DISC1: variants seen among roughly 807,000 people sequenced by gnomAD.
DISC1 encodes DISC1 scaffold protein.
Under a neutral mutation model 84.5 loss-of-function variants are expected in DISC1, and 57 were observed. The ratio of observed to expected loss-of-function variants is 0.67; its 90% confidence interval spans 0.55 to 0.84. The LOEUF (loss-of-function observed/expected upper bound fraction) is 0.84, where lower values mean the gene tolerates loss of function less well. Ranked by LOEUF, DISC1 falls within the 40% of genes least tolerant of loss-of-function variation. The probability of loss-of-function intolerance (pLI) is 0.00; values close to 1 mark genes in which losing one functional copy is unlikely to be tolerated. For synonymous variants in DISC1, 411 were observed against 415.2 expected, an observed-to-expected ratio of 0.99 and a Z score of 0.12; for missense variants, 1,000 against 1,057.8, an observed-to-expected ratio of 0.95 and a Z score of 0.76.
intron 9 of DISC1, among the ~76,000 whole-genome samples, chr1:231,952,039 C>G (rs1318234923): frequency 6.9e-6 from 1 of 143,984 alleles, no homozygotes; most frequent in Non-Finnish European, 1.5e-5. Context: ...GCTATAATCA[C>G]GCCACTGCAC....
intron 9 of DISC1, among the ~76,000 whole-genome samples, chr1:231,878,554 G>A (rs1309310924): frequency 8.5e-5 from 13 of 152,170 alleles, no homozygotes; most frequent in Admixed American, 3.3e-4. Flanking sequence ...GACTAAGCAG[G>A]TTCTTGAAGC....
intron 9 of DISC1, among the ~76,000 whole-genome samples, chr1:231,925,469 A>G (rs961172664): frequency 6.6e-6 from 1 of 152,196 alleles, no homozygotes; most frequent in African/African-American, 2.4e-5. Flanking sequence ...AGATGTTCAC[A>G]GGTCATGAAA....
At chr1:231,963,091 C>T (rs746731323) in intron 10 of DISC1, among the ~76,000 whole-genome samples, 2 of 152,174 alleles carry the variant, frequency 1.3e-5, no homozygotes, top group East Asian at 1.9e-4. Context: ...GGTCATTGCA[C>T]AAGGCTGCCC....
chr1:231,829,936 A>G (rs575158774), intron 9 of DISC1, among the ~76,000 whole-genome samples: 1 of 152,260 alleles, frequency 6.6e-6, no homozygotes, highest in South Asian at 2.1e-4. Flanking sequence ...GAATTTCACC[A>G]GATAATGTCA....
intron 6 of DISC1, among the ~76,000 whole-genome samples, chr1:231,782,364 C>G (rs2077492326): frequency 6.6e-6 from 1 of 152,114 alleles, no homozygotes; most frequent in Non-Finnish European, 1.5e-5. Context: ...ATGAAATCGA[C>G]AATATTCCCC....
intron 10 of DISC1, chr1:231,959,611 A>G (rs897878226): frequency 9.2e-6 from 6 of 651,594 alleles, no homozygotes; most frequent in Non-Finnish European, 9.5e-6. Context: ...GTCTGCTAGG[A>G]CGCTGTCTTG....
chr1:231,902,148 C>G (rs78097247), intron 9 of DISC1, among the ~76,000 whole-genome samples: 2,516 of 152,150 alleles, frequency 0.017, 85 homozygotes, highest in African/African-American at 0.058. Flanking sequence ...GGGGCACTGC[C>G]TCTTGACTGG....
At chr1:231,660,183 G>T (rs541695066) in intron 1 of DISC1, among the ~76,000 whole-genome samples, 3 of 148,956 alleles carry the variant, frequency 2.0e-5, no homozygotes, top group Non-Finnish European at 4.4e-5. Flanking sequence ...ATATATTTAG[G>T]ATAGTTAGCT....
chr1:231,643,523 T>C (rs1572430697), intron 1 of DISC1, among the ~76,000 whole-genome samples: 1 of 152,176 alleles, frequency 6.6e-6, no homozygotes, highest in East Asian at 1.9e-4. Flanking sequence ...TACCTCATAC[T>C]GTTAAGAGAA....
At chr1:231,666,774 C>T (rs561666153) in intron 1 of DISC1, among the ~76,000 whole-genome samples, 2 of 152,198 alleles carry the variant, frequency 1.3e-5, no homozygotes, top group South Asian at 2.1e-4. Context: ...TCATCTTCAC[C>T]CCATCGTAAT....
intron 11 of DISC1, among the ~76,000 whole-genome samples, chr1:232,019,333 G>A (rs1668744979): frequency 6.6e-6 from 1 of 152,168 alleles, no homozygotes; most frequent in Non-Finnish European, 1.5e-5. Flanking sequence ...AGGGTTAAAT[G>A]ATGGGACGGA....
At chr1:231,935,653 C>T (rs1309604107) in intron 9 of DISC1, among the ~76,000 whole-genome samples, 4 of 152,088 alleles carry the variant, frequency 2.6e-5, no homozygotes, top group Non-Finnish European at 5.9e-5. Flanking sequence ...CAGGGTTTGG[C>T]GTCTAAAGCT....
chr1:231,827,672 C>T (rs1355006478), intron 9 of DISC1, among the ~76,000 whole-genome samples: 1 of 152,172 alleles, frequency 6.6e-6, no homozygotes, highest in Non-Finnish European at 1.5e-5. Flanking sequence ...TTTTCCTGCC[C>T]TGACTGCTTT....
At chr1:231,730,156 A>G (rs1486815828) in intron 3 of DISC1, among the ~76,000 whole-genome samples, 1 of 152,218 alleles carries the variant, frequency 6.6e-6, no homozygotes, top group Non-Finnish European at 1.5e-5. Context: ...GTTCACAGGA[A>G]TGAATTAAAT....
At chr1:231,673,342 T>A (rs1304524609) in intron 1 of DISC1, among the ~76,000 whole-genome samples, 4 of 151,806 alleles carry the variant, frequency 2.6e-5, no homozygotes, top group Admixed American at 2.6e-4. Context: ...GAAACTGGGG[T>A]CTCTCTCTGT....
intron 9 of DISC1, among the ~76,000 whole-genome samples, chr1:231,904,711 A>G (rs1222345275): frequency 6.6e-6 from 1 of 152,054 alleles, no homozygotes; most frequent in Non-Finnish European, 1.5e-5. Flanking sequence ...CTAAATACTC[A>G]TTTCCACTAA....
At chr1:232,030,416 T>G (rs1046958399) in intron 12 of DISC1, among the ~76,000 whole-genome samples, 1 of 152,246 alleles carries the variant, frequency 6.6e-6, no homozygotes, top group Admixed American at 6.5e-5. Context: ...TGTACATTTT[T>G]GGCATATTTC....
chr1:231,716,849 T>C (rs1573178493), intron 3 of DISC1, among the ~76,000 whole-genome samples: 4 of 152,308 alleles, frequency 2.6e-5, no homozygotes, highest in Admixed American at 2.6e-4. Flanking sequence ...GCGCCTGTGC[T>C]CCTTCGTGGA....
At chr1:231,912,999 C>T (rs1339418097) in intron 9 of DISC1, among the ~76,000 whole-genome samples, 1 of 151,928 alleles carries the variant, frequency 6.6e-6, no homozygotes, top group African/African-American at 2.4e-5. Context: ...CCTCCACCTC[C>T]CAGGCTCAAG....
Sources: gnomAD v4.1 joint callset for allele counts (sites outside exome capture counted in the v4.1 genomes callset) on GRCh38, gnomAD v4.1.1 for gene constraint, MANE v1.5 for transcripts, NCBI Gene and HGNC (gene_info 2026-07-23, HGNC 2026-07-21) for gene names.